Variants in NOX4 observed in about 807,000 individuals in gnomAD.
The protein encoded by NOX4 is NADPH oxidase 4.
In NOX4, 69 loss-of-function variants were observed where a neutral mutation model predicts 87.6. The observed-to-expected ratio is 0.79, with a 90% CI of 0.65 to 0.96. The LOEUF (loss-of-function observed/expected upper bound fraction) is 0.96. Among genes scored for constraint, NOX4 ranks in the 40% least tolerant of loss-of-function variants. The pLI, the probability that NOX4 is intolerant of heterozygous loss-of-function variation, is 0.00. For missense variants in NOX4, 680 were observed against 681.5 expected (o/e 1.00, Z 0.02); for synonymous variants, 275 against 238.2 (o/e 1.15, Z -1.42).
chr11:89,328,259 A>G (rs1194321931), intron 17 of NOX4, among the ~76,000 whole-genome samples: 1 of 152,220 alleles, frequency 6.6e-6, no homozygotes, highest in African/African-American at 2.4e-5. Flanking sequence ...GAGTAAAGAG[A>G]TATCAGAGAT....
the NOX4 span, among the ~76,000 whole-genome samples, chr11:89,565,554 C>G: frequency 6.6e-6 from 1 of 151,648 alleles, no homozygotes; most frequent in African/African-American, 2.4e-5. Flanking sequence ...AACTTTTTTT[C>G]TAATTTCTAA....
upstream of NOX4, among the ~76,000 whole-genome samples, chr11:89,495,248 A>AT (rs1946936228): frequency 6.6e-6 from 1 of 152,192 alleles, no homozygotes; most frequent in Non-Finnish European, 1.5e-5. Context: ...AAGTCCTGGG[A>AT]TTACATGCAT....
At chr11:89,534,808 G>A in the NOX4 span, among the ~76,000 whole-genome samples, 2 of 152,204 alleles carry the variant, frequency 1.3e-5, no homozygotes, top group Admixed American at 1.3e-4. Context: ...AAGCTTGGCT[G>A]TCGTACTGGA....
intron 6 of NOX4, among the ~76,000 whole-genome samples, chr11:89,438,840 T>C (rs1272585461): frequency 1.0e-4 from 4 of 38,238 alleles, no homozygotes; most frequent in African/African-American, 2.6e-4. Flanking sequence ...TTATATATTA[T>C]ATATATTATA....
chr11:89,457,842 A>G (rs1244643316), intron 2 of NOX4, among the ~76,000 whole-genome samples: 2 of 152,308 alleles, frequency 1.3e-5, no homozygotes, highest in Admixed American at 1.3e-4. Flanking sequence ...TAGAAATACA[A>G]ATAACCAGGT....
chr11:89,328,709 C>T (rs890226496), intron 17 of NOX4, among the ~76,000 whole-genome samples: 3 of 152,024 alleles, frequency 2.0e-5, no homozygotes, highest in African/African-American at 7.2e-5. Context: ...AGTTCTAATC[C>T]TCAGTGCTTC....
At chr11:89,523,691 C>A in the NOX4 span, among the ~76,000 whole-genome samples, 6 of 152,138 alleles carry the variant, frequency 3.9e-5, no homozygotes, top group African/African-American at 1.4e-4. Flanking sequence ...TGGTGGCTTT[C>A]TTCTCAGTAG....
chr11:89,364,199 A>G (rs1371495369), intron 12 of NOX4, among the ~76,000 whole-genome samples: 2 of 151,998 alleles, frequency 1.3e-5, no homozygotes, highest in Non-Finnish European at 2.9e-5. Context: ...GTGAGCTATG[A>G]TTATGCTACT....
intron 11 of NOX4, among the ~76,000 whole-genome samples, chr11:89,375,151 T>A (rs1017194140): frequency 4.6e-5 from 7 of 152,322 alleles, no homozygotes; most frequent in African/African-American, 1.7e-4. Context: ...TACTTTACAA[T>A]CAGTGTTTCT....
At chr11:89,421,810 T>G (rs1943096184) in intron 8 of NOX4, 92 bp downstream of exon 8, 1 of 682,936 alleles carries the variant, frequency 1.5e-6, no homozygotes, top group Admixed American at 3.2e-5. Context: ...TTGACACTTT[T>G]ACCACCTCCT....
intron 16 of NOX4, chr11:89,336,178 A>G: frequency 2.9e-6 from 1 of 343,726 alleles, no homozygotes; most frequent in South Asian, 8.2e-5. Flanking sequence ...CAAACAAACA[A>G]AATCTATTCT....
At chr11:89,555,028 T>C in the NOX4 span, among the ~76,000 whole-genome samples, 42 of 152,296 alleles carry the variant, frequency 2.8e-4, no homozygotes, top group Non-Finnish European at 5.9e-4. Context: ...TTTTAAAAAT[T>C]AAAATGGCAT....
the NOX4 span, among the ~76,000 whole-genome samples, chr11:89,541,447 G>A: frequency 6.6e-6 from 1 of 152,016 alleles, no homozygotes; most frequent in Non-Finnish European, 1.5e-5. Flanking sequence ...GCCAACATAT[G>A]TTTTAGATTT....
At chr11:89,540,186 GA>G in the NOX4 span, among the ~76,000 whole-genome samples, 1 of 152,054 alleles carries the variant, frequency 6.6e-6, no homozygotes, top group Non-Finnish European at 1.5e-5. Context: ...AAGAGAAAAA[GA>G]AGCCATATAG....
chr11:89,485,135 G>A (rs1380153971), intron 2 of NOX4, among the ~76,000 whole-genome samples: 1 of 151,888 alleles, frequency 6.6e-6, no homozygotes. Context: ...CTCTTGAGAG[G>A]GTAAATTAGT....
chr11:89,482,242 AG>A (rs1480031182), intron 2 of NOX4, among the ~76,000 whole-genome samples: 2 of 152,078 alleles, frequency 1.3e-5, no homozygotes, highest in African/African-American at 4.8e-5. Context: ...GCTAGTGCTC[AG>A]CTGGGCTTCT....
At chr11:89,454,413 A>G (rs557470029) in intron 2 of NOX4, among the ~76,000 whole-genome samples, 1 of 152,216 alleles carries the variant, frequency 6.6e-6, no homozygotes, top group East Asian at 1.9e-4. Flanking sequence ...TAGGTCCACA[A>G]GAAATCCTGA....
At chr11:89,327,262 C>T (rs1945258361) in intron 17 of NOX4, among the ~76,000 whole-genome samples, 1 of 152,136 alleles carries the variant, frequency 6.6e-6, no homozygotes, top group South Asian at 2.1e-4. Context: ...GTTCAGTCCA[C>T]ACTGAACTAT....
intron 11 of NOX4, among the ~76,000 whole-genome samples, chr11:89,391,680 G>A (rs1056902765): frequency 4.7e-5 from 7 of 147,848 alleles, no homozygotes; most frequent in Non-Finnish European, 1.0e-4. Context: ...GTCCAAGTTG[G>A]AGTGAGCCAT....
Sources: gnomAD v4.1 joint callset for allele counts (sites outside exome capture counted in the v4.1 genomes callset) on GRCh38, gnomAD v4.1.1 for gene constraint, MANE v1.5 for transcripts, NCBI Gene and HGNC (gene_info 2026-07-23, HGNC 2026-07-21) for gene names.